Variants in RBFOX1 observed in about 807,000 individuals in gnomAD.
RBFOX1 encodes the protein RNA binding protein fox-1 homolog 1.
Under a neutral mutation model 57.7 loss-of-function variants are expected in RBFOX1, and 8 were observed. The ratio of observed to expected loss-of-function variants is 0.14; its 90% CI spans 0.08 to 0.25. The LOEUF is 0.25. Among genes scored for constraint, RBFOX1 ranks in the 10% least tolerant of loss-of-function variants. The pLI is 1.00. For synonymous variants in RBFOX1, 326 were observed against 222.4 expected, an observed-to-expected ratio of 1.47 and a Z score of -4.15; for missense variants, 611 against 548.5, an observed-to-expected ratio of 1.11 and a Z score of -1.14.
In RBFOX1 at chr16:6,066,293, C is replaced by CAAAAAAAAAAAAAAAAAAAAAAAAAAA. The variant is rs372412356; in HGVS notation, c.-127+46302_-127+46328dup. Among the ~76,000 whole-genome samples, 5 of 50,384 alleles carry CAAAAAAAAAAAAAAAAAAAAAAAAAAA rather than the reference C, an allele frequency of 9.9e-5. 1 individual carries two copies. Among genetic ancestry groups the CAAAAAAAAAAAAAAAAAAAAAAAAAAA allele is most frequent in the African/African-American group, 2.9e-4 (2 of 6,996 alleles). The allele number at this position is 50,384 out of a possible 152,430, so 33.1% of individuals were successfully genotyped here. ...CTGACTACAGAGCAAGACTCTGTCT[C>CAAAAAAAAAAAAAAAAAAAAAAAAAAA]AAAAAAAAAAAAAAAAAAAAAAAAA... On this transcript the variant is annotated intron_variant, in intron 1 of 15. Transcript: ENST00000550418.
chr16:7,570,240 A>G (rs1431201067), intron 5 of RBFOX1, among the ~76,000 whole-genome samples: 1 of 151,944 alleles, frequency 6.6e-6, no homozygotes, highest in African/African-American at 2.4e-5. Context: ...TTTACAAGAC[A>G]GGCTTCTCTA....
chr16:5,496,290 C>G (rs2042998957), intron 2 of RBFOX1, among the ~76,000 whole-genome samples: 1 of 152,158 alleles, frequency 6.6e-6, no homozygotes, highest in Non-Finnish European at 1.5e-5. Context: ...TCTTCTCACG[C>G]TGGTGTCAAG....
At chr16:7,401,549 G>A (rs1398734452) in intron 4 of RBFOX1, among the ~76,000 whole-genome samples, 1 of 152,174 alleles carries the variant, frequency 6.6e-6, no homozygotes, top group Admixed American at 6.5e-5. Context: ...AGTTAACAAT[G>A]CAAGCCTCTG....
chr16:5,609,428 C>A (rs2047697472), intron 3 of RBFOX1, among the ~76,000 whole-genome samples: 1 of 152,120 alleles, frequency 6.6e-6, no homozygotes, highest in Non-Finnish European at 1.5e-5. Flanking sequence ...AGGGAAAAGT[C>A]AGCCTGCTGG....
intron 4 of RBFOX1, among the ~76,000 whole-genome samples, chr16:7,249,220 G>T (rs930660173): frequency 6.6e-6 from 1 of 152,184 alleles, no homozygotes; most frequent in Non-Finnish European, 1.5e-5. Context: ...TTTTGCAAGG[G>T]TGGGTTTGTT....
chr16:5,960,733 G>C (rs901606626), intron 4 of RBFOX1, among the ~76,000 whole-genome samples: 1 of 152,138 alleles, frequency 6.6e-6, no homozygotes, highest in Non-Finnish European at 1.5e-5. Context: ...CCATCATTCT[G>C]TCAGTGTGGA....
intron 3 of RBFOX1, among the ~76,000 whole-genome samples, chr16:5,828,915 A>T (rs1177416075): frequency 6.6e-6 from 1 of 152,120 alleles, no homozygotes; most frequent in Non-Finnish European, 1.5e-5. Flanking sequence ...TTACCGTTTC[A>T]CTGTTTCTGT....
chr16:6,018,154 GAGGA>G (rs1158045997), upstream of RBFOX1, among the ~76,000 whole-genome samples: 1 of 146,364 alleles, frequency 6.8e-6, no homozygotes, highest in Non-Finnish European at 1.5e-5. Context: ...GTGGAAAAAA[GAGGA>G]AGGGAGAAAG....
intron 4 of RBFOX1, among the ~76,000 whole-genome samples, chr16:7,470,403 G>A (rs1451341761): frequency 6.6e-6 from 1 of 152,192 alleles, no homozygotes; most frequent in Non-Finnish European, 1.5e-5. Flanking sequence ...ATGGATAGTT[G>A]GTTGGTTGGA....
intron 2 of RBFOX1, among the ~76,000 whole-genome samples, chr16:6,553,204 G>A (rs1567657089): frequency 6.6e-6 from 1 of 152,100 alleles, no homozygotes; most frequent in Admixed American, 6.6e-5. Context: ...CTCTTCTCAC[G>A]CTATGGATTT....
intron 4 of RBFOX1, among the ~76,000 whole-genome samples, chr16:7,384,522 C>G (rs997919065): frequency 6.6e-6 from 1 of 152,132 alleles, no homozygotes; most frequent in East Asian, 1.9e-4. Flanking sequence ...TTCTGTTACT[C>G]TGGCTACAGA....
intron 3 of RBFOX1, chr16:6,703,784 T>C (rs2062231515): frequency 6.6e-6 from 1 of 152,234 alleles, no homozygotes; most frequent in South Asian, 2.1e-4. Flanking sequence ...TCCACATCTG[T>C]CCAACCCAGA....
At chr16:7,344,235 CAA>C (rs1390948483) in intron 4 of RBFOX1, among the ~76,000 whole-genome samples, 2 of 148,940 alleles carry the variant, frequency 1.3e-5, no homozygotes, top group East Asian at 2.0e-4. Flanking sequence ...GGGATAATAC[CAA>C]AGTCATTTCT....
At chr16:7,103,770 C>G (rs2063104623) in intron 4 of RBFOX1, among the ~76,000 whole-genome samples, 1 of 152,090 alleles carries the variant, frequency 6.6e-6, no homozygotes, top group Admixed American at 6.6e-5. Context: ...ACAGAAAAAC[C>G]TCTAAGGTAC....
intron 1 of RBFOX1, among the ~76,000 whole-genome samples, chr16:5,331,351 A>T (rs756693644): frequency 1.3e-5 from 2 of 152,210 alleles, no homozygotes; most frequent in Non-Finnish European, 2.9e-5. Context: ...AAACTTCATA[A>T]TTACTATGTT....
At chr16:6,096,909 C>T (rs1359670295) in intron 1 of RBFOX1, among the ~76,000 whole-genome samples, 9 of 152,194 alleles carry the variant, frequency 5.9e-5, no homozygotes, top group African/African-American at 1.7e-4. Flanking sequence ...TACTGAACCA[C>T]CTGTTGCATT....
At chr16:7,590,342 A>T (rs1031178046) in intron 7 of RBFOX1, among the ~76,000 whole-genome samples, 1 of 152,106 alleles carries the variant, frequency 6.6e-6, no homozygotes, top group African/African-American at 2.4e-5. Flanking sequence ...TATTTTGGAA[A>T]TGTATATAAC....
chr16:6,331,154 A>G (rs761854675), intron 2 of RBFOX1, among the ~76,000 whole-genome samples: 37 of 152,192 alleles, frequency 2.4e-4, no homozygotes, highest in Non-Finnish European at 5.0e-4. Flanking sequence ...TAAGTGGGTT[A>G]TTGAAATAGT....
intron 2 of RBFOX1, among the ~76,000 whole-genome samples, chr16:5,593,104 A>G (rs576516702): frequency 2.6e-5 from 4 of 152,304 alleles, no homozygotes; most frequent in East Asian, 3.9e-4. Context: ...ATATCCATCA[A>G]TGATAGACTG....
Sources: gnomAD v4.1 joint callset for allele counts (sites outside exome capture counted in the v4.1 genomes callset) on GRCh38, gnomAD v4.1.1 for gene constraint, MANE v1.5 for transcripts, NCBI Gene and HGNC (gene_info 2026-07-23, HGNC 2026-07-21) for gene names.